The following EBF1 variants were observed in gnomAD, a reference collection of about 807,000 sequenced individuals.
The protein encoded by EBF1 is transcription factor COE1.
EBF1 carries 10 observed loss-of-function variants against 68.4 expected under a neutral mutation model. That is an observed-to-expected ratio of 0.15 (90% CI 0.09 to 0.25). EBF1 has a LOEUF of 0.25. Among genes scored for constraint, EBF1 ranks in the 10% least tolerant of loss-of-function variants. The pLI, the probability that EBF1 is intolerant of heterozygous loss-of-function variation, is 1.00. For synonymous variants in EBF1, 298 were observed against 299.8 expected (o/e 0.99, Z 0.06); for missense variants, 509 against 794.4 (o/e 0.64, Z 4.32).
chr5:158,973,284 T>A (rs1756025397), intron 6 of EBF1, among the ~76,000 whole-genome samples: 1 of 152,114 alleles, frequency 6.6e-6, no homozygotes. Context: ...ATTTCCACCC[T>A]CTTGATGCAC....
chr5:158,758,931 A>G (rs1166480913), intron 10 of EBF1, among the ~76,000 whole-genome samples: 1 of 152,210 alleles, frequency 6.6e-6, no homozygotes, highest in Non-Finnish European at 1.5e-5. Flanking sequence ...TTCCTGAATC[A>G]TCCAGCTTCA....
intron 11 of EBF1, among the ~76,000 whole-genome samples, chr5:158,720,493 T>G (rs1032980012): frequency 2.6e-5 from 4 of 152,182 alleles, no homozygotes; most frequent in Non-Finnish European, 5.9e-5. Flanking sequence ...ATCAGTATAA[T>G]GAGGGCAGTG....
At chr5:158,950,808 T>A (rs1160941068) in intron 6 of EBF1, among the ~76,000 whole-genome samples, 1 of 152,152 alleles carries the variant, frequency 6.6e-6, no homozygotes, top group African/African-American at 2.4e-5. Flanking sequence ...TAACCCATAG[T>A]CACTCCTACC....
chr5:159,087,313 CAT>C (rs936165673), intron 4 of EBF1, among the ~76,000 whole-genome samples: 6 of 143,606 alleles, frequency 4.2e-5, no homozygotes, highest in African/African-American at 7.8e-5. Flanking sequence ...TACACACACA[CAT>C]ATATATACAC....
intron 6 of EBF1, among the ~76,000 whole-genome samples, chr5:158,946,566 C>T (rs1437387417): frequency 6.6e-6 from 1 of 152,190 alleles, no homozygotes; most frequent in African/African-American, 2.4e-5. Context: ...AAGCTTCATC[C>T]CAGAGGGGCA....
chr5:158,724,842 T>G (rs891377524), intron 11 of EBF1, among the ~76,000 whole-genome samples: 1 of 152,256 alleles, frequency 6.6e-6, no homozygotes, highest in Admixed American at 6.5e-5. Flanking sequence ...ACTGTCTTCC[T>G]TCATGGTGTG....
chr5:159,028,194 T>G, intron 6 of EBF1, among the ~76,000 whole-genome samples: 1 of 152,114 alleles, frequency 6.6e-6, no homozygotes, highest in East Asian at 1.9e-4. Context: ...GAAAAATACA[T>G]CCTTTGGATC....
intron 6 of EBF1, among the ~76,000 whole-genome samples, chr5:158,880,062 C>T (rs1798591120): frequency 6.6e-6 from 1 of 152,206 alleles, no homozygotes; most frequent in Admixed American, 6.5e-5. Flanking sequence ...CCAGCCAGCA[C>T]AAGAAAACAG....
rs57256923 is a variant in EBF1 at position 159,064,899 on chromosome 5, CTT to C, written c.554+8495_554+8496del. 7.7e-3 allele frequency among the ~76,000 whole-genome samples: 526 copies of C among 67,932 alleles called. 3 individuals are homozygous for C. Among genetic ancestry groups the C allele is most frequent in the African/African-American group, 0.022 (356 of 16,482 alleles). The allele number at this position is 67,932 out of a possible 152,430, so 44.6% of individuals were successfully genotyped here. The stretch of plus-strand genomic sequence containing the variant: ...GAAAAAGAGACTGCTCTCTTTTCAT[CTT>C]TTTTTTTTTTTTTTTTTTTTTTTGG... On this transcript the variant is annotated intron_variant, in intron 6 of 15. Transcript: ENST00000313708.
At chr5:159,085,763 A>C (rs1412634301) in intron 4 of EBF1, among the ~76,000 whole-genome samples, 1 of 152,084 alleles carries the variant, frequency 6.6e-6, no homozygotes, top group Non-Finnish European at 1.5e-5. Flanking sequence ...TATATAGTAC[A>C]TATATCTTAA....
intron 6 of EBF1, among the ~76,000 whole-genome samples, chr5:159,005,517 G>A (rs959858329): frequency 3.3e-5 from 5 of 152,158 alleles, no homozygotes; most frequent in African/African-American, 9.7e-5. Context: ...CACTCTGAGT[G>A]TGCATTTCTC....
At chr5:159,044,697 A>T (rs900515245) in intron 6 of EBF1, among the ~76,000 whole-genome samples, 1 of 152,226 alleles carries the variant, frequency 6.6e-6, no homozygotes, top group African/African-American at 2.4e-5. Flanking sequence ...TGAGTCAAAT[A>T]AGTAGTCTAT....
intron 6 of EBF1, among the ~76,000 whole-genome samples, chr5:159,050,173 TCTCTCTC>T (rs1773270188): frequency 6.7e-6 from 1 of 148,562 alleles, no homozygotes; most frequent in African/African-American, 2.5e-5. Flanking sequence ...TCTCTCTCTC[TCTCTCTC>T]TTCTCTCTTT....
At chr5:158,708,821 T>A (rs189820445) in intron 14 of EBF1, among the ~76,000 whole-genome samples, 1 of 152,306 alleles carries the variant, frequency 6.6e-6, no homozygotes, top group East Asian at 1.9e-4. Context: ...AATGCAGAAC[T>A]CTACAAGTTC....
intron 6 of EBF1, among the ~76,000 whole-genome samples, chr5:158,864,435 T>C (rs1295312200): frequency 6.6e-6 from 1 of 151,996 alleles, no homozygotes. Flanking sequence ...GGAATAAATA[T>C]TGGAGTTGTC....
chr5:158,849,011 T>C (rs1045709349), intron 6 of EBF1, among the ~76,000 whole-genome samples: 10 of 152,318 alleles, frequency 6.6e-5, no homozygotes, highest in Non-Finnish European at 1.0e-4. Context: ...GTCCAATATG[T>C]AGTGATGCTT....
At chr5:158,817,006 T>C (rs775877678) in intron 8 of EBF1, among the ~76,000 whole-genome samples, 8 of 152,130 alleles carry the variant, frequency 5.3e-5, no homozygotes, top group Non-Finnish European at 1.2e-4. Flanking sequence ...GCCCATGTAA[T>C]TGAAACTGAG....
chr5:159,082,436 G>T (rs1003839226), intron 5 of EBF1, among the ~76,000 whole-genome samples: 1 of 152,186 alleles, frequency 6.6e-6, no homozygotes, highest in African/African-American at 2.4e-5. Context: ...ATGGCTAATG[G>T]TGGTGCATAG....
At chr5:158,793,564 C>T (rs1376249307) in intron 9 of EBF1, among the ~76,000 whole-genome samples, 2 of 152,062 alleles carry the variant, frequency 1.3e-5, no homozygotes, top group African/African-American at 4.8e-5. Flanking sequence ...TAGGACTTTT[C>T]CTTCCTTTAT....
Sources: gnomAD v4.1 joint callset for allele counts (sites outside exome capture counted in the v4.1 genomes callset) on GRCh38, gnomAD v4.1.1 for gene constraint, MANE v1.5 for transcripts, NCBI Gene and HGNC (gene_info 2026-07-23, HGNC 2026-07-21) for gene names.